Variants in BMERB1 observed in about 807,000 individuals in gnomAD.
BMERB1 encodes the protein bMERB domain-containing protein 1.
In BMERB1, 12 loss-of-function variants were observed where a neutral mutation model predicts 23.6. The observed-to-expected ratio is 0.51, with a 90% CI of 0.33 to 0.82. The LOEUF (loss-of-function observed/expected upper bound fraction) is 0.82. BMERB1 is among the 40% of genes least tolerant of loss of function. The pLI is 0.03. For missense variants in BMERB1, 247 were observed against 255.4 expected (o/e 0.97, Z 0.22); for synonymous variants, 122 against 96.6 (o/e 1.26, Z -1.54).
At chr16:15,505,060 C>T (rs147706333) in intron 1 of BMERB1, among the ~76,000 whole-genome samples, 91 of 152,270 alleles carry the variant, frequency 6.0e-4, no homozygotes, top group African/African-American at 2.1e-3. Flanking sequence ...AATTGTCCTT[C>T]TAGCTTGAGT....
intron 1 of BMERB1, among the ~76,000 whole-genome samples, chr16:15,442,710 C>T (rs2050950664): frequency 6.6e-6 from 1 of 152,044 alleles, no homozygotes; most frequent in East Asian, 1.9e-4. Flanking sequence ...AATTATTATT[C>T]CCATTTAAAC....
At chr16:15,451,296 T>G (rs1329910952) in intron 1 of BMERB1, among the ~76,000 whole-genome samples, 5 of 152,188 alleles carry the variant, frequency 3.3e-5, no homozygotes, top group Non-Finnish European at 2.9e-5. Context: ...GTTCAAACGA[T>G]TCTCCTGCCT....
At chr16:15,459,916 C>T (rs1250483107) in intron 1 of BMERB1, among the ~76,000 whole-genome samples, 1 of 152,170 alleles carries the variant, frequency 6.6e-6, no homozygotes, top group Non-Finnish European at 1.5e-5. Flanking sequence ...ATTTTGTCAG[C>T]CCAGAGACAG....
At chr16:15,555,825 C>T (rs999671367) in intron 2 of BMERB1, among the ~76,000 whole-genome samples, 1 of 152,078 alleles carries the variant, frequency 6.6e-6, no homozygotes, top group Non-Finnish European at 1.5e-5. Context: ...ATGAATCCTA[C>T]GAAAGCTGAA....
intron 1 of BMERB1, among the ~76,000 whole-genome samples, chr16:15,490,079 T>C (rs2051407069): frequency 6.6e-6 from 1 of 152,064 alleles, no homozygotes; most frequent in Non-Finnish European, 1.5e-5. Context: ...TGAGCCAGGA[T>C]CCTCTCGATC....
chr16:15,506,968 G>A (rs1270437305), intron 1 of BMERB1, among the ~76,000 whole-genome samples: 1 of 152,138 alleles, frequency 6.6e-6, no homozygotes, highest in Non-Finnish European at 1.5e-5. Context: ...ACCTCTCTAA[G>A]CCTCATTTTA....
At chr16:15,571,567 G>A (rs1395309711) in intron 3 of BMERB1, among the ~76,000 whole-genome samples, 1 of 151,988 alleles carries the variant, frequency 6.6e-6, no homozygotes, top group Non-Finnish European at 1.5e-5. Flanking sequence ...TGTTAGCCAG[G>A]ATGGTCTCGA....
At chr16:15,539,441 C>G (rs540246671) in intron 2 of BMERB1, among the ~76,000 whole-genome samples, 1 of 152,290 alleles carries the variant, frequency 6.6e-6, no homozygotes, top group Non-Finnish European at 1.5e-5. Flanking sequence ...CTGGTGGTGG[C>G]TCAGGGGTTG....
chr16:15,497,618 G>A (rs993979356), intron 1 of BMERB1, among the ~76,000 whole-genome samples: 1 of 152,158 alleles, frequency 6.6e-6, no homozygotes, highest in Non-Finnish European at 1.5e-5. Context: ...AAGCCACTAA[G>A]TTTGTGTTTA....
At chr16:15,437,884 G>A (rs2050901972) in intron 1 of BMERB1, among the ~76,000 whole-genome samples, 1 of 151,880 alleles carries the variant, frequency 6.6e-6, no homozygotes, top group South Asian at 2.1e-4. Flanking sequence ...CGTGAACCTG[G>A]GAGGCGGAGC....
rs150793082 is a variant in BMERB1, at chr16:15,444,123, G to GTTTTTTTTTT, written c.106+9382_106+9391dup. ...AGGCCAGGGTCCAGGCACCAGCTTT[G>GTTTTTTTTTT]TTTTTTTTTTTTTTTTTTTTTTTTT... is the stretch of plus-strand genomic sequence containing the variant. On this transcript the variant is annotated intron_variant, in intron 1 of 5. Coordinates refer to ENST00000300006, the MANE Select transcript of BMERB1 (RefSeq NM_033201.3). Among the ~76,000 whole-genome samples the GTTTTTTTTTT allele has an allele frequency of 9.3e-3, 332 of 35,604 alleles. 69 individuals carry two copies. The highest frequency in any genetic ancestry group is 0.016 in the East Asian group (9 of 556). 23.4% of individuals were successfully genotyped at this position (35,604 alleles called of 152,430 possible).
At chr16:15,487,786 C>G (rs2150937807) in intron 1 of BMERB1, among the ~76,000 whole-genome samples, 1 of 152,276 alleles carries the variant, frequency 6.6e-6, no homozygotes, top group African/African-American at 2.4e-5. Flanking sequence ...ACTTTTAAGA[C>G]TATATAAGGT....
chr16:15,556,178 CAA>C (rs879429351), intron 2 of BMERB1, among the ~76,000 whole-genome samples: 2 of 133,226 alleles, frequency 1.5e-5, no homozygotes, highest in Non-Finnish European at 1.6e-5. Context: ...AACTCCATCT[CAA>C]AAAAAAAAAA....
chr16:15,477,325 G>A (rs2051282957), intron 1 of BMERB1, among the ~76,000 whole-genome samples: 2 of 152,104 alleles, frequency 1.3e-5, no homozygotes, highest in African/African-American at 4.8e-5. Context: ...CAGCATGGGG[G>A]AAACCACCTC....
At chr16:15,553,026 G>C (rs947022168) in intron 2 of BMERB1, among the ~76,000 whole-genome samples, 2 of 151,938 alleles carry the variant, frequency 1.3e-5, no homozygotes. Flanking sequence ...CATTTTTTTT[G>C]AGATGGAGTC....
At chr16:15,549,861 T>C (rs2030033628) in intron 2 of BMERB1, among the ~76,000 whole-genome samples, 1 of 152,182 alleles carries the variant, frequency 6.6e-6, no homozygotes. Context: ...TCTTACACTT[T>C]CCACAAAATT....
rs999647815 is a variant in BMERB1, at chr16:15,482,945, T to TAC, written c.107-32349_107-32348dup. On this transcript the variant is annotated intron_variant, in intron 1 of 5. Coordinates refer to ENST00000300006, the MANE Select transcript of BMERB1 (RefSeq NM_033201.3). The stretch of plus-strand genomic sequence containing the variant: ...TTTACAGATATGGAAACTGAGTCTA[T>TAC]ACACACACACACGCGCGTAAAACAC... Among the ~76,000 whole-genome samples, 8 of 151,860 alleles carry TAC rather than the reference T, an allele frequency of 5.3e-5. No homozygotes were observed. In the East Asian group the frequency reaches 5.8e-4, roughly 11 times the overall value.
chr16:15,496,718 T>G (rs2051476810), intron 1 of BMERB1, among the ~76,000 whole-genome samples: 3 of 152,096 alleles, frequency 2.0e-5, no homozygotes, highest in Non-Finnish European at 2.9e-5. Flanking sequence ...TTTTTTATTT[T>G]TAGTAGAGAC....
At chr16:15,470,477 G>C (rs950721735) in intron 1 of BMERB1, among the ~76,000 whole-genome samples, 1 of 151,658 alleles carries the variant, frequency 6.6e-6, no homozygotes, top group African/African-American at 2.4e-5. Flanking sequence ...GTGGTATGAC[G>C]GTAATACAAG....
Sources: allele counts gnomAD v4.1 joint callset (sites outside exome capture counted in the v4.1 genomes callset), GRCh38; gene constraint gnomAD v4.1.1; transcripts MANE v1.5; gene names NCBI Gene and HGNC (gene_info 2026-07-23, HGNC 2026-07-21).